Variants in NLGN1 observed in about 807,000 individuals in gnomAD.
NLGN1 encodes the protein neuroligin 1.
In NLGN1, 12 loss-of-function variants were observed where a neutral mutation model predicts 65.5. The ratio of observed to expected loss-of-function variants is 0.18; its 90% CI spans 0.12 to 0.30. NLGN1 has a LOEUF of 0.30. Among genes scored for constraint, NLGN1 ranks in the 10% least tolerant of loss-of-function variants. NLGN1 has a pLI of 1.00. For missense variants in NLGN1, 750 were observed against 1,007.1 expected, an observed-to-expected ratio of 0.74 and a Z score of 3.46; for synonymous variants, 350 against 359.5, an observed-to-expected ratio of 0.97 and a Z score of 0.30.
intron 4 of NLGN1, among the ~76,000 whole-genome samples, chr3:174,254,184 T>C (rs1745248226): frequency 6.6e-6 from 1 of 152,206 alleles, no homozygotes; most frequent in African/African-American, 2.4e-5. Context: ...TTCCTTGTTT[T>C]AGTGCATTTA....
chr3:173,833,588 C>T (rs1416569558), intron 4 of NLGN1, among the ~76,000 whole-genome samples: 3 of 151,362 alleles, frequency 2.0e-5, no homozygotes, highest in Admixed American at 6.6e-5. Flanking sequence ...GGCACAATCT[C>T]GGCTCACTGC....
chr3:173,949,496 T>C (rs9864606), intron 4 of NLGN1, among the ~76,000 whole-genome samples: 45,953 of 152,008 alleles, frequency 0.3, 7,158 homozygotes, highest in African/African-American at 0.35. Flanking sequence ...CAATGCATAA[T>C]TGTCAATTTA....
At chr3:173,641,925 G>A (rs148362923) in intron 3 of NLGN1, among the ~76,000 whole-genome samples, 1 of 151,958 alleles carries the variant, frequency 6.6e-6, no homozygotes, top group African/African-American at 2.4e-5. Flanking sequence ...GAGACCATAT[G>A]GCTGCAAAGT....
chr3:173,737,179 T>A (rs1773903213), intron 3 of NLGN1, among the ~76,000 whole-genome samples: 1 of 151,764 alleles, frequency 6.6e-6, no homozygotes, highest in Admixed American at 6.6e-5. Context: ...GTTTCCACAC[T>A]AGACAACGAA....
In NLGN1 at chr3:173,815,182, C is replaced by T. The variant is rs1159250405; in HGVS notation, c.646+7350C>T. On this transcript the variant is annotated intron_variant, in intron 4 of 6. Coordinates refer to ENST00000457714, the Ensembl canonical transcript of NLGN1. ...TGTCACCCAGGCTGGAGTGCAGTGG[C>T]TCACTGCAACCTCCGCCTCCCAGGT... is the stretch of plus-strand genomic sequence containing the variant. Among the ~76,000 whole-genome samples, 4 of 150,600 alleles carry T rather than the reference C, an allele frequency of 2.7e-5. No individual in the cohort carries two copies. The East Asian group carries it at 7.8e-4, about 29-fold the overall frequency.
chr3:173,503,651 A>G (rs908854556), intron 2 of NLGN1, among the ~76,000 whole-genome samples: 10 of 152,030 alleles, frequency 6.6e-5, no homozygotes, highest in Non-Finnish European at 1.2e-4. Flanking sequence ...AGTGTCTGCA[A>G]TTCTCCCTGG....
chr3:173,427,627 C>A (rs80116270), intron 1 of NLGN1, among the ~76,000 whole-genome samples: 4,369 of 151,832 alleles, frequency 0.029, 207 homozygotes, highest in African/African-American at 0.1. Context: ...TTTCCAAGGT[C>A]TCCTTTTGTT....
intron 3 of NLGN1, among the ~76,000 whole-genome samples, chr3:173,696,525 A>G (rs1394752076): frequency 2.0e-5 from 3 of 152,226 alleles, no homozygotes; most frequent in Non-Finnish European, 4.4e-5. Flanking sequence ...CTGTGGCCCA[A>G]TAATGAAATC....
intron 4 of NLGN1, among the ~76,000 whole-genome samples, chr3:174,203,937 T>A (rs1304251008): frequency 1.3e-5 from 2 of 152,224 alleles, no homozygotes; most frequent in African/African-American, 4.8e-5. Flanking sequence ...GAAATTCTAT[T>A]GGAGTCATTA....
intron 4 of NLGN1, among the ~76,000 whole-genome samples, chr3:174,019,624 G>A (rs1727328608): frequency 6.6e-6 from 1 of 152,140 alleles, no homozygotes; most frequent in Non-Finnish European, 1.5e-5. Flanking sequence ...CAGGTAGAGA[G>A]AAAGACACCA....
intron 2 of NLGN1, among the ~76,000 whole-genome samples, chr3:173,471,918 G>T (rs1197051840): frequency 5.3e-5 from 8 of 152,192 alleles, no homozygotes; most frequent in South Asian, 4.1e-4. Context: ...AAGCAGGCAG[G>T]TTTGCAAATT....
intron 3 of NLGN1, among the ~76,000 whole-genome samples, chr3:173,760,195 C>T (rs535267845): frequency 1.3e-5 from 2 of 152,030 alleles, no homozygotes; most frequent in East Asian, 1.9e-4. Flanking sequence ...TTACTTTGAG[C>T]ACATCCTATC....
chr3:174,042,718 A>T (rs1298735546), intron 4 of NLGN1, among the ~76,000 whole-genome samples: 2 of 152,304 alleles, frequency 1.3e-5, no homozygotes, highest in South Asian at 2.1e-4. Flanking sequence ...AAACTTTTTT[A>T]AAAATAAACA....
chr3:174,052,725 T>C (rs949633777), intron 4 of NLGN1, among the ~76,000 whole-genome samples: 3 of 151,978 alleles, frequency 2.0e-5, no homozygotes, highest in Admixed American at 1.3e-4. Flanking sequence ...TATTTGAGAG[T>C]GTACAGTATT....
chr3:173,963,995 T>C (rs1282014504), intron 4 of NLGN1, among the ~76,000 whole-genome samples: 1 of 152,098 alleles, frequency 6.6e-6, no homozygotes, highest in Non-Finnish European at 1.5e-5. Context: ...CATTTATCTC[T>C]GCACAGGAGT....
At chr3:173,436,576 G>T (rs1242243505) in intron 2 of NLGN1, among the ~76,000 whole-genome samples, 1 of 152,146 alleles carries the variant, frequency 6.6e-6, no homozygotes. Context: ...ATATCTACAG[G>T]TTTTTATCTG....
chr3:174,072,781 C>T (rs906619768), intron 4 of NLGN1, among the ~76,000 whole-genome samples: 13 of 151,898 alleles, frequency 8.6e-5, no homozygotes, highest in African/African-American at 2.9e-4. Context: ...AGGAACTGAC[C>T]ATGGAGTTCA....
At position 173,703,866 on chromosome 3, in the gene NLGN1, G is replaced by T. The variant is rs74666353; in HGVS notation, c.493+98775G>T. 2.0e-5 allele frequency among the ~76,000 whole-genome samples: 3 copies of T among 152,264 alleles called. No homozygotes were observed. In the East Asian group the frequency reaches 5.8e-4, roughly 29 times the overall value. Reference sequence around the variant, plus strand: ...TGTGTGCAGAAGACTAATTGTTAATGGCATGGTCTTTATTGCTCATAGCTT... The same window carrying T: ...TGTGTGCAGAAGACTAATTGTTAATTGCATGGTCTTTATTGCTCATAGCTT... On this transcript the variant is annotated intron_variant, in intron 3 of 6. Coordinates refer to ENST00000457714, the Ensembl canonical transcript of NLGN1.
At chr3:174,162,609 A>G (rs1296506752) in intron 4 of NLGN1, among the ~76,000 whole-genome samples, 2 of 151,878 alleles carry the variant, frequency 1.3e-5, no homozygotes, top group East Asian at 3.9e-4. Context: ...TTCATTATAT[A>G]TATTCATTAT....
Sources: allele counts gnomAD v4.1 joint callset (sites outside exome capture counted in the v4.1 genomes callset), GRCh38; gene constraint gnomAD v4.1.1; transcripts MANE v1.5; gene names NCBI Gene and HGNC (gene_info 2026-07-23, HGNC 2026-07-21).